TMEM175: variants seen among roughly 807,000 people sequenced by gnomAD.
TMEM175 encodes transmembrane protein 175.
TMEM175 carries 36 observed loss-of-function variants against 36.5 expected under a neutral mutation model. The ratio of observed to expected loss-of-function variants is 0.99; its 90% CI spans 0.76 to 1.30. The LOEUF is 1.30. TMEM175 is among the 50% of genes most tolerant of loss of function. The pLI is 0.00. For missense variants in TMEM175, 705 were observed against 692.8 expected (o/e 1.02, Z -0.20); for synonymous variants, 339 against 313.4 (o/e 1.08, Z -0.86).
At chr4:952,295 G>GGCCC (rs746752678) in intron 6 of TMEM175, 72 bp from the exon 7 acceptor site, 45 of 1,384,688 alleles carry the variant, frequency 3.2e-5, no homozygotes, top group Middle Eastern at 1.8e-4. Context: ...GGCTCACCAT[G>GGCCC]GCCCAGTTCC....
At chr4:946,337 G>T (rs1170209046) in intron 1 of TMEM175, among the ~76,000 whole-genome samples, 2 of 152,258 alleles carry the variant, frequency 1.3e-5, no homozygotes, top group African/African-American at 4.8e-5. Context: ...CCAACATGGG[G>T]CTCTCTGGCC....
chr4:951,368 G>A (rs771319339), intron 5 of TMEM175, 110 bp downstream of exon 5: 31 of 1,271,714 alleles, frequency 2.4e-5, no homozygotes, highest in Non-Finnish European at 3.2e-5. Context: ...AGGGAGTCTC[G>A]GAGCCTGGAA....
At chr4:942,976 G>C (rs529704275) in intron 1 of TMEM175, among the ~76,000 whole-genome samples, 3 of 152,184 alleles carry the variant, frequency 2.0e-5, no homozygotes, top group African/African-American at 7.2e-5. Flanking sequence ...AGACTGGTAA[G>C]AGAGTGAAAA....
chr4:949,949 C>T (rs1375217488), intron 3 of TMEM175, among the ~76,000 whole-genome samples: 1 of 152,154 alleles, frequency 6.6e-6, no homozygotes, highest in South Asian at 2.1e-4. Context: ...GGTGGTGACC[C>T]GGTTATGATG....
intron 3 of TMEM175, among the ~76,000 whole-genome samples, chr4:950,088 A>ACCC (rs1316710043): frequency 6.8e-6 from 1 of 147,356 alleles, no homozygotes; most frequent in Non-Finnish European, 1.5e-5. Context: ...TTAAGAGCTG[A>ACCC]CCCCCCAGCA....
intron 1 of TMEM175, among the ~76,000 whole-genome samples, chr4:934,185 G>C (rs4690198): frequency 0.57 from 86,139 of 152,150 alleles, 25,123 homozygotes; most frequent in South Asian, 0.69. Context: ...GCTAGAGACA[G>C]ATATCTGGGC....
chr4:943,939 C>T (rs905750647), intron 1 of TMEM175, among the ~76,000 whole-genome samples: 5 of 152,100 alleles, frequency 3.3e-5, no homozygotes, highest in Non-Finnish European at 7.3e-5. Flanking sequence ...AGATGAGTCT[C>T]GAAAGAAGCT....
rs1240159350 is a variant in TMEM175 at position 947,774 on chromosome 4, A to C, written c.35A>C (p.Asp12Ala). The change falls in exon 2 of 11, where the codon GAT (aspartate) becomes GCT (alanine). Residue 12 changes from aspartate to alanine, a missense_variant. Transcript: ENST00000264771. ...CCCCGGACCCCAGAGCAGGCACTGG[A>C]TACACCGGGGGACTGCCCCCCAGGC... ...SQPRTPEQAL[D>A]TPGDCPPGRR... The C allele has an allele frequency of 6.2e-7, 1 of 1,612,544 alleles. No homozygotes were observed. The highest frequency in any genetic ancestry group is 8.5e-7 in the Non-Finnish European group (1 of 1,179,752).
chr4:948,484 A>G, intron 3 of TMEM175: 2 of 1,440,434 alleles, frequency 1.4e-6, no homozygotes, highest in South Asian at 2.4e-5. Context: ...TGCCCCAAGG[A>G]CAGAAGTTTC....
At chr4:937,971 A>ATCCATTACT in intron 1 of TMEM175, among the ~76,000 whole-genome samples, 1 of 151,984 alleles carries the variant, frequency 6.6e-6, no homozygotes, top group Non-Finnish European at 1.5e-5. Flanking sequence ...AGCATTTGAC[A>ATCCATTACT]GAATCCAACA....
At chr4:954,525 G>GT (rs1439927730) in intron 8 of TMEM175, among the ~76,000 whole-genome samples, 3 of 152,098 alleles carry the variant, frequency 2.0e-5, no homozygotes, top group African/African-American at 7.2e-5. Context: ...TGTAGCTGCC[G>GT]TGAGTGGCGC....
intron 7 of TMEM175, 66 bp from the exon 8 acceptor site, chr4:953,124 G>T (rs1020939460): frequency 1.3e-5 from 20 of 1,504,984 alleles, no homozygotes; most frequent in Admixed American, 2.0e-5. Flanking sequence ...GCAGCCCGGG[G>T]GTTGACTGCT....
In TMEM175 at chr4:948,084, T is replaced by C. The variant is rs1002448487; in HGVS notation, c.154-32T>C. ...CCAATCCAACAAGCGTCTCTTGCTCTCCTGCTTCCTTCTGTCTCTTTGCCC... is the reference window on the plus strand; with the variant it reads ...CCAATCCAACAAGCGTCTCTTGCTCCCCTGCTTCCTTCTGTCTCTTTGCCC... On this transcript the variant is annotated intron_variant, in intron 2 of 10. Transcript: ENST00000264771. 3.1e-6 allele frequency: 5 copies of C among 1,613,996 alleles called. No individual in the cohort carries two copies. In the African/African-American group the frequency reaches 6.7e-5, roughly 22 times the overall value.
intron 6 of TMEM175, chr4:952,110 G>T: frequency 1.7e-6 from 1 of 594,914 alleles, no homozygotes. Context: ...GTGCCACAAG[G>T]AACTGGGGTC....
intron 9 of TMEM175, 118 bp from the exon 10 acceptor site, chr4:955,637 T>C: frequency 6.7e-7 from 1 of 1,494,592 alleles, no homozygotes; most frequent in Non-Finnish European, 9.0e-7. Flanking sequence ...CCCTGTCCTG[T>C]CTCCTCTCCT....
chr4:939,648 G>A (rs1357544701), intron 1 of TMEM175, among the ~76,000 whole-genome samples: 2 of 152,170 alleles, frequency 1.3e-5, no homozygotes, highest in African/African-American at 2.4e-5. Flanking sequence ...CCCAGGAGGT[G>A]GAGGTTGCAG....
At chr4:955,559 G>T in intron 9 of TMEM175, 76 bp downstream of exon 9, 1 of 1,511,916 alleles carries the variant, frequency 6.6e-7, no homozygotes. Flanking sequence ...CGCACTGAGG[G>T]CTGTCCGTGG....
chr4:949,948 C>T (rs2153001709), intron 3 of TMEM175, among the ~76,000 whole-genome samples: 1 of 152,262 alleles, frequency 6.6e-6, no homozygotes, highest in Non-Finnish European at 1.5e-5. Flanking sequence ...CGGTGGTGAC[C>T]CGGTTATGAT....
chr4:953,310 C>T lies in TMEM175; in HGVS notation c.583C>T (p.Leu195=). The change falls in exon 8 of 11, where the codon CTG becomes TTG. Residue 195 remains leucine (L), a synonymous_variant. Coordinates refer to ENST00000264771, the MANE Select transcript of TMEM175 (RefSeq NM_032326.4). ...VLGIVLQGPA[L]CFAAAIFSLF... is the part of the protein sequence containing the mutation. ...GGGCATCGTCCTCCAAGGCCCGGCC[C>T]TGTGCTTTGCAGCGGCCATCTTCTC... is the stretch of plus-strand genomic sequence containing the variant. 6.2e-7 allele frequency: 1 copy of T among 1,614,016 alleles called. No individual in the cohort carries two copies. The highest frequency in any genetic ancestry group is 1.3e-5 in the African/African-American group (1 of 75,074).
Sources: gnomAD v4.1 joint callset for allele counts (sites outside exome capture counted in the v4.1 genomes callset) on GRCh38, gnomAD v4.1.1 for gene constraint, MANE v1.5 for transcripts, NCBI Gene and HGNC (gene_info 2026-07-23, HGNC 2026-07-21) for gene names.